The following NOX5 variants were observed in gnomAD, a reference collection of about 807,000 sequenced individuals.
NOX5 encodes NADPH oxidase, EF-hand calcium binding domain 5.
Under a neutral mutation model 85.7 loss-of-function variants are expected in NOX5, and 76 were observed. The ratio of observed to expected loss-of-function variants is 0.89; its 90% confidence interval spans 0.74 to 1.07. The LOEUF (loss-of-function observed/expected upper bound fraction) is 1.07, where lower values mean the gene tolerates loss of function less well. Ranked by LOEUF, NOX5 falls within the 50% of genes least tolerant of loss-of-function variation. The pLI is 0.00. For missense variants in NOX5, 973 were observed against 999.5 expected (o/e 0.97, Z 0.36); for synonymous variants, 405 against 401.4 (o/e 1.01, Z -0.11).
chr15:69,040,119 G>A (rs2050575073), intron 9 of NOX5, among the ~76,000 whole-genome samples: 1 of 152,224 alleles, frequency 6.6e-6, no homozygotes. Flanking sequence ...CTCAGCTCAC[G>A]ATGTAGACCC....
chr15:69,060,612 T>C lies in NOX5; in HGVS notation c.*3916T>C, dbSNP rs1056830060. 1.3e-5 allele frequency: 2 copies of C among 152,258 alleles called. No individual in the cohort carries two copies. The highest frequency in any genetic ancestry group is 4.8e-5 in the African/African-American group (2 of 41,460). The allele number at this position is 152,258 out of a possible 1,614,324, so 9.4% of individuals were successfully genotyped here. A position where few individuals can be genotyped will look rare whatever the true frequency, so the allele number is the denominator to read the frequency against. On this transcript the variant is annotated 3_prime_UTR_variant, in exon 16 of 16. Coordinates refer to ENST00000388866, the MANE Select transcript of NOX5 (RefSeq NM_024505.4). Reference sequence around the variant, plus strand: ...AGGATTTTGTGTTTTTGTTTTTGTTTTACTTTTTGCCCTTCTGTAAAGTTT... The same window carrying C: ...AGGATTTTGTGTTTTTGTTTTTGTTCTACTTTTTGCCCTTCTGTAAAGTTT...
At chr15:69,021,081 C>G (rs2050290428) in intron 1 of NOX5, among the ~76,000 whole-genome samples, 1 of 151,610 alleles carries the variant, frequency 6.6e-6, no homozygotes, top group African/African-American at 2.4e-5. Context: ...TTTAAAGTGA[C>G]CTTCTAGATT....
Position 69,056,962 on chromosome 15 carries a change from CG to C in NOX5, c.*269del. On this transcript the variant is annotated 3_prime_UTR_variant, in exon 16 of 16. Coordinates refer to ENST00000388866, the MANE Select transcript of NOX5 (RefSeq NM_024505.4). ...AAGTGAGGGAACCAGAGGCTGGTCA[CG>C]GGAGCTTGGGGGTGGGGTTCGAGGG... The C allele has an allele frequency of 3.3e-6, 1 of 299,370 alleles. No individual in the cohort carries two copies. Among genetic ancestry groups the C allele is most frequent in the Non-Finnish European group, 6.1e-6 (1 of 163,794 alleles). 18.5% of individuals were successfully genotyped at this position (299,370 alleles called of 1,614,324 possible). A position where few individuals can be genotyped will look rare whatever the true frequency, so the allele number is the denominator to read the frequency against.
At chr15:69,026,738 AACTCCCTGGGGTTCCTG>A in intron 2 of NOX5, 87 bp downstream of exon 2, 1 of 1,572,826 alleles carries the variant, frequency 6.4e-7, no homozygotes, top group South Asian at 1.1e-5. Context: ...AGGGAAAGGG[AACTCCCTGGGGTTCCTG>A]AGGTCTCCAC....
At position 69,062,382 on chromosome 15, in the gene NOX5, C is replaced by A. The variant is rs2050878146; in HGVS notation, c.*5686C>A. The A allele has an allele frequency of 1.3e-5, 2 of 152,266 alleles. No homozygotes were observed. The highest frequency in any genetic ancestry group is 4.2e-4 in the South Asian group (2 of 4,816). 9.4% of individuals were successfully genotyped at this position (152,266 alleles called of 1,614,324 possible). ...CCACACACTGCTGTGGGTCTGACTGCACACCTTCTTTTTGGAGGACTCTCC... is the reference window on the plus strand; with the variant it reads ...CCACACACTGCTGTGGGTCTGACTGAACACCTTCTTTTTGGAGGACTCTCC... On this transcript the variant is annotated 3_prime_UTR_variant, in exon 16 of 16. Transcript: ENST00000388866.
intron 14 of NOX5, among the ~76,000 whole-genome samples, chr15:69,050,711 A>C (rs1013473155): frequency 1.3e-5 from 2 of 152,144 alleles, no homozygotes; most frequent in Non-Finnish European, 2.9e-5. Context: ...TTTAAATAGT[A>C]CTGCACTTCG....
chr15:69,018,505 AC>A (rs2050257740), intron 1 of NOX5, among the ~76,000 whole-genome samples: 4 of 151,940 alleles, frequency 2.6e-5, no homozygotes, highest in Admixed American at 2.0e-4. Flanking sequence ...CTGACAGTGC[AC>A]CTCTCCCACC....
At chr15:69,016,957 G>C (rs1241786501) in intron 1 of NOX5, among the ~76,000 whole-genome samples, 1 of 152,094 alleles carries the variant, frequency 6.6e-6, no homozygotes, top group African/African-American at 2.4e-5. Flanking sequence ...ATGGGAAGGA[G>C]GGACCAGACA....
At position 69,042,068 on chromosome 15, in the gene NOX5, TA is replaced by T. The variant is rs34833384; in HGVS notation, c.1505-580del. Among the ~76,000 whole-genome samples, 366 of 141,670 alleles carry T rather than the reference TA, an allele frequency of 2.6e-3. 1 individual carries two copies. Among genetic ancestry groups the T allele is most frequent in the Admixed American group, 4.0e-3 (58 of 14,328 alleles). 92.9% of individuals were successfully genotyped at this position (141,670 alleles called of 152,430 possible). ...AGGACTGCTAAAAGAATCCCTGGTT[TA>T]AAAAAAAAAAAAAAGGAAAAGGGCA... On this transcript the variant is annotated intron_variant, in intron 9 of 15. Transcript: ENST00000388866.
rs34979645 is a variant in NOX5, at chr15:69,038,845, C to T, written c.1372-12C>T. 11,779 of 1,614,124 alleles carry T rather than the reference C, an allele frequency of 7.3e-3. 85 individuals carry two copies. Among genetic ancestry groups the T allele is most frequent in the Middle Eastern group, 0.029 (177 of 6,062 alleles). ...CTGCAGGAATGATGCAGATCTCCTT[C>T]CTCTTTCCCAGGTCACTCATCTCCT... On this transcript the variant is annotated splice_polypyrimidine_tract_variant and intron_variant, in intron 8 of 15. Coordinates refer to ENST00000388866, the MANE Select transcript of NOX5 (RefSeq NM_024505.4).
At position 69,035,536 on chromosome 15, in the gene NOX5, G is replaced by A. The variant is rs1301693402; in HGVS notation, c.1009+29G>A. On this transcript the variant is annotated intron_variant, in intron 6 of 15. Transcript: ENST00000388866. ...AGTGATCTGGGGCAGGGTTGGGTCG[G>A]GGAGAAGCTTGAGCAGCCTCAAGCC... is the stretch of plus-strand genomic sequence containing the variant. 4 of 1,611,978 alleles carry A rather than the reference G, an allele frequency of 2.5e-6. No homozygotes were observed. The East Asian group carries it at 8.9e-5, about 36-fold the overall frequency.
At chr15:69,025,481 G>C (rs2050346130) in intron 1 of NOX5, among the ~76,000 whole-genome samples, 1 of 152,192 alleles carries the variant, frequency 6.6e-6, no homozygotes, top group South Asian at 2.1e-4. Context: ...TCGTCGCCTT[G>C]CTCAGCCTCA....
chr15:69,030,957 C>A (rs2050420968), intron 3 of NOX5: 1 of 152,828 alleles, frequency 6.5e-6, no homozygotes, highest in Non-Finnish European at 1.5e-5. Context: ...CAAAGCAGGC[C>A]AAGAAATCAT....
At position 69,045,691 on chromosome 15, in the gene NOX5, TCTTTCTTTC is replaced by T. The variant is rs1392716957; in HGVS notation, c.1648-1124_1648-1116del. 5.3e-5 allele frequency among the ~76,000 whole-genome samples: 8 copies of T among 151,772 alleles called. No individual in the cohort carries two copies. The East Asian group carries it at 5.8e-4, about 11-fold the overall frequency. On this transcript the variant is annotated intron_variant, in intron 10 of 15. Transcript: ENST00000388866. Reference sequence around the variant, plus strand: ...TCTTTCTTTCACTCTTTCTTTCTTTTCTTTCTTTCCTTTCTCACTTTGTAAAAAGGAAGG... The same window carrying T: ...TCTTTCTTTCACTCTTTCTTTCTTTTCTTTCTCACTTTGTAAAAAGGAAGG...
chr15:69,031,751 T>G lies in NOX5; in HGVS notation c.559T>G (p.Phe187Val), dbSNP rs2050436777. ...CGCGGACGGCAACGGGGCCATCACC[T>G]TCGAGGAGCTCCGGGACGAGCTGCA... The part of the protein sequence containing the change: ...ADADGNGAIT[F>V]EELRDELQRF... Residue 187 changes from phenylalanine (F) to valine (V), a missense_variant, in exon 4 of 16, where the codon TTC becomes GTC. Physicochemically the swap from Phe to Val is conservative, Grantham distance 50 (BLOSUM62 -1). Coordinates refer to ENST00000388866, the MANE Select transcript of NOX5 (RefSeq NM_024505.4). 6.2e-7 allele frequency: 1 copy of G among 1,611,300 alleles called. No homozygotes were observed. The highest frequency in any genetic ancestry group is 1.3e-5 in the African/African-American group (1 of 74,924).
chr15:69,039,793 C>G (rs1242942136), intron 9 of NOX5, among the ~76,000 whole-genome samples: 1 of 152,200 alleles, frequency 6.6e-6, no homozygotes, highest in East Asian at 1.9e-4. Flanking sequence ...TCCTCTGACT[C>G]TCACCCGTGC....
At chr15:69,045,209 C>T (rs1259678017) in intron 10 of NOX5, among the ~76,000 whole-genome samples, 1 of 152,236 alleles carries the variant, frequency 6.6e-6, no homozygotes, top group Non-Finnish European at 1.5e-5. Flanking sequence ...CTGCCTGCTA[C>T]CTTCCTAACT....
chr15:69,018,230 G>A, intron 1 of NOX5, among the ~76,000 whole-genome samples: 1 of 152,170 alleles, frequency 6.6e-6, no homozygotes, highest in African/African-American at 2.4e-5. Flanking sequence ...TTGGCAGGGA[G>A]AATGGGCAAG....
intron 8 of NOX5, 130 bp downstream of exon 8, chr15:69,037,340 A>T (rs1567100907): frequency 6.2e-6 from 6 of 963,632 alleles, no homozygotes; most frequent in Non-Finnish European, 9.1e-6. Context: ...CCCCATTGCT[A>T]TGGAGGAGAG....
Sources: gnomAD v4.1 joint callset for allele counts (sites outside exome capture counted in the v4.1 genomes callset) on GRCh38, gnomAD v4.1.1 for gene constraint, MANE v1.5 for transcripts, NCBI Gene and HGNC (gene_info 2026-07-23, HGNC 2026-07-21) for gene names.